HCRTR2: variants seen among roughly 807,000 people sequenced by gnomAD.
The protein encoded by HCRTR2 is hypocretin receptor 2, also known as orexin receptor type 2.
HCRTR2 carries 22 observed loss-of-function variants against 49.0 expected under a neutral mutation model. That is an observed-to-expected ratio of 0.45 (90% CI 0.32 to 0.64). HCRTR2 has a LOEUF of 0.64. Ranked by LOEUF, HCRTR2 falls within the 30% of genes least tolerant of loss-of-function variation. The pLI is 0.04. For missense variants in HCRTR2, 491 were observed against 559.4 expected (o/e 0.88, Z 1.23); for synonymous variants, 236 against 205.3 (o/e 1.15, Z -1.28).
Position 55,188,398 on chromosome 6 carries a change from C to T in HCRTR2, c.223+13588C>T, listed in dbSNP as rs537730742. The stretch of plus-strand genomic sequence containing the variant: ...GGAGTTCAGAAGACCGCTCTGAATG[C>T]TGAGTTAGCATCAGCAATAATAGAA... On this transcript the variant is annotated intron_variant, in intron 1 of 6. Coordinates refer to ENST00000370862, the MANE Select transcript of HCRTR2 (RefSeq NM_001384272.1). Among the ~76,000 whole-genome samples, 11 of 152,238 alleles carry T rather than the reference C, an allele frequency of 7.2e-5. No homozygotes were observed. The East Asian group carries it at 1.5e-3, about 21-fold the overall frequency.
intron 1 of HCRTR2, among the ~76,000 whole-genome samples, chr6:55,165,168 C>A (rs1764859021): frequency 6.6e-6 from 1 of 151,520 alleles, no homozygotes; most frequent in African/African-American, 2.4e-5. Flanking sequence ...CCTACAGGAT[C>A]TAGAAAATAG....
chr6:55,192,093 A>T (rs1765325579), intron 1 of HCRTR2, among the ~76,000 whole-genome samples: 1 of 152,166 alleles, frequency 6.6e-6, no homozygotes, highest in Non-Finnish European at 1.5e-5. Context: ...TATATCTTAT[A>T]TATACATAAA....
intron 1 of HCRTR2, 135 bp from the exon 2 acceptor site, chr6:55,248,504 G>T: frequency 1.3e-6 from 1 of 746,250 alleles, no homozygotes; most frequent in Non-Finnish European, 2.4e-6. Flanking sequence ...CAGATTCAGT[G>T]AAAACACGGC....
intron 1 of HCRTR2, among the ~76,000 whole-genome samples, chr6:55,147,011 T>C (rs951751807): frequency 3.9e-5 from 6 of 152,184 alleles, no homozygotes; most frequent in African/African-American, 1.2e-4. Flanking sequence ...ACCTAAGCAC[T>C]GAAATTTTTT....
At chr6:55,206,426 T>C (rs1765602532) in intron 1 of HCRTR2, among the ~76,000 whole-genome samples, 1 of 152,096 alleles carries the variant, frequency 6.6e-6, no homozygotes, top group African/African-American at 2.4e-5. Context: ...CACCTATTTA[T>C]AGTTATTTTA....
chr6:55,212,389 AT>A (rs1182783755), intron 1 of HCRTR2, among the ~76,000 whole-genome samples: 1 of 152,104 alleles, frequency 6.6e-6, no homozygotes, highest in Admixed American at 6.5e-5. Context: ...ATGAGTCATG[AT>A]TTTTCTAAAG....
At chr6:55,132,732 C>A (rs1346678751) in intron 1 of HCRTR2, among the ~76,000 whole-genome samples, 1 of 137,834 alleles carries the variant, frequency 7.3e-6, no homozygotes, top group Non-Finnish European at 1.5e-5. Flanking sequence ...TCCATTTATA[C>A]CTCTCCCTCT....
chr6:55,159,895 T>A (rs1397896595), intron 1 of HCRTR2, among the ~76,000 whole-genome samples: 5 of 152,062 alleles, frequency 3.3e-5, no homozygotes, highest in Non-Finnish European at 5.9e-5. Context: ...GAGAAAGGAA[T>A]CAAGTTGGAA....
In HCRTR2 at chr6:55,123,438, G is replaced by C. The variant is rs144490302; in HGVS notation, c.-378+16893G>C. Reference sequence around the variant, plus strand: ...TGTGATGGTTTGCATTTACTGATTCGCTTATGTTGAACCAGCCTTGCATTC... The same window carrying C: ...TGTGATGGTTTGCATTTACTGATTCCCTTATGTTGAACCAGCCTTGCATTC... On this transcript the variant is annotated intron_variant, in intron 1 of 7. Transcript: ENST00000615358. Among the ~76,000 whole-genome samples, 397 of 152,126 alleles carry C rather than the reference G, an allele frequency of 2.6e-3. 2 individuals carry two copies. The highest frequency in any genetic ancestry group is 9.2e-3 in the African/African-American group (380 of 41,514).
intron 1 of HCRTR2, among the ~76,000 whole-genome samples, chr6:55,129,039 T>G (rs1764318979): frequency 6.6e-6 from 1 of 152,156 alleles, no homozygotes; most frequent in Admixed American, 6.6e-5. Context: ...TTTGTTTTGT[T>G]TTGGTTTTAT....
intron 1 of HCRTR2, among the ~76,000 whole-genome samples, chr6:55,219,955 T>C (rs1239579233): frequency 1.3e-5 from 2 of 152,030 alleles, no homozygotes; most frequent in African/African-American, 2.4e-5. Context: ...AAGAAATGTA[T>C]AAATTCTCAG....
intron 1 of HCRTR2, among the ~76,000 whole-genome samples, chr6:55,130,382 T>G (rs1764338318): frequency 6.9e-6 from 1 of 145,386 alleles, no homozygotes; most frequent in South Asian, 2.1e-4. Flanking sequence ...TTTTTTGTTG[T>G]TTTGTTTTTT....
chr6:55,139,992 TATGAAAGTGAGCC>T (rs1245785239), intron 1 of HCRTR2, among the ~76,000 whole-genome samples: 1 of 152,152 alleles, frequency 6.6e-6, no homozygotes, highest in Non-Finnish European at 1.5e-5. Flanking sequence ...GAGTTGTCAT[TATGAAAGTGAGCC>T]ATGGTGGTTT....
At position 55,229,934 on chromosome 6, in the gene HCRTR2, A is replaced by G. The variant is rs1285913925; in HGVS notation, c.224-18705A>G. On this transcript the variant is annotated intron_variant, in intron 1 of 6. Transcript: ENST00000370862. Reference sequence around the variant, plus strand: ...AGTACAGTAAAATGAAATGAAATATACAGCAGGCTTTACACACACCGCTTC... The same window carrying G: ...AGTACAGTAAAATGAAATGAAATATGCAGCAGGCTTTACACACACCGCTTC... 2.0e-5 allele frequency among the ~76,000 whole-genome samples: 3 copies of G among 152,200 alleles called. 1 individual carries two copies. In the East Asian group the frequency reaches 5.8e-4, roughly 29 times the overall value.
At chr6:55,119,030 A>T (rs1187872834) in intron 1 of HCRTR2, among the ~76,000 whole-genome samples, 1 of 151,938 alleles carries the variant, frequency 6.6e-6, no homozygotes, top group Non-Finnish European at 1.5e-5. Flanking sequence ...GAGTGAGAAC[A>T]TGTGGTGTTT....
At chr6:55,161,729 C>G (rs928978395) in intron 1 of HCRTR2, among the ~76,000 whole-genome samples, 4 of 152,050 alleles carry the variant, frequency 2.6e-5, no homozygotes, top group Admixed American at 1.3e-4. Flanking sequence ...ACTAGAAAAC[C>G]TAGAAGAAAT....
At chr6:55,113,865 T>C (rs1224300172) in intron 1 of HCRTR2, among the ~76,000 whole-genome samples, 2 of 151,998 alleles carry the variant, frequency 1.3e-5, no homozygotes, top group African/African-American at 4.8e-5. Flanking sequence ...GGCAGCACAA[T>C]TCGCAATTGC....
At chr6:55,186,674 A>G (rs1765221296) in intron 1 of HCRTR2, among the ~76,000 whole-genome samples, 1 of 152,228 alleles carries the variant, frequency 6.6e-6, no homozygotes, top group Non-Finnish European at 1.5e-5. Flanking sequence ...GTTTCAAAAT[A>G]ATTCTTGGTT....
chr6:55,197,647 A>C (rs1457287735), intron 1 of HCRTR2, among the ~76,000 whole-genome samples: 1 of 151,972 alleles, frequency 6.6e-6, no homozygotes. Context: ...TTTGAGATGG[A>C]GTCTCGCTCT....
Sources: gnomAD v4.1 joint callset for allele counts (sites outside exome capture counted in the v4.1 genomes callset) on GRCh38, gnomAD v4.1.1 for gene constraint, MANE v1.5 for transcripts, NCBI Gene and HGNC (gene_info 2026-07-23, HGNC 2026-07-21) for gene names.